Variants in GRID1 observed in about 807,000 individuals in gnomAD.
GRID1 encodes glutamate ionotropic receptor delta type subunit 1.
GRID1 carries 28 observed loss-of-function variants against 98.0 expected under a neutral mutation model. The observed-to-expected ratio is 0.29, with a 90% CI of 0.21 to 0.39. GRID1 has a LOEUF of 0.39. GRID1 is among the 10% of genes least tolerant of loss of function. The pLI is 1.00. For missense variants in GRID1, 1,111 were observed against 1,340.5 expected, an observed-to-expected ratio of 0.83 and a Z score of 2.67; for synonymous variants, 553 against 538.5, an observed-to-expected ratio of 1.03 and a Z score of -0.37.
intron 8 of GRID1, among the ~76,000 whole-genome samples, chr10:85,844,073 T>C (rs1382975016): frequency 6.6e-6 from 1 of 151,996 alleles, no homozygotes; most frequent in Non-Finnish European, 1.5e-5. Flanking sequence ...GAAATAATAC[T>C]CAACTATAAA....
intron 2 of GRID1, among the ~76,000 whole-genome samples, chr10:86,332,092 C>T (rs1461556916): frequency 6.6e-6 from 1 of 152,208 alleles, no homozygotes; most frequent in Non-Finnish European, 1.5e-5. Context: ...ATGGGAAACC[C>T]CGAGTCCAGG....
Position 85,856,471 on chromosome 10 carries a change from A to G in GRID1, c.952-281T>C, listed in dbSNP as rs551877107. Among the ~76,000 whole-genome samples the G allele has an allele frequency of 7.2e-4, 109 of 152,338 alleles. 1 individual carries two copies. Among genetic ancestry groups the G allele is most frequent in the Non-Finnish European group, 1.3e-3 (87 of 68,040 alleles). On this transcript the variant is annotated intron_variant, in intron 6 of 15. Transcript: ENST00000327946. Reference sequence around the variant, plus strand: ...ATCTGTAGCTGATTGAGATGTGCACACAGGTAAGTTACCTACTCAGGTAAG... The same window carrying G: ...ATCTGTAGCTGATTGAGATGTGCACGCAGGTAAGTTACCTACTCAGGTAAG...
intron 8 of GRID1, among the ~76,000 whole-genome samples, chr10:85,792,358 T>C (rs985467805): frequency 3.9e-5 from 6 of 152,190 alleles, no homozygotes; most frequent in Admixed American, 6.5e-5. Context: ...GGGCCTCAAA[T>C]AAATCCTGTA....
chr10:85,728,105 A>T (rs1431411962), intron 9 of GRID1, 53 bp from the exon 10 acceptor site: 2 of 1,188,224 alleles, frequency 1.7e-6, no homozygotes, highest in Non-Finnish European at 2.5e-6. Context: ...TCATCAACAC[A>T]TATTTCCAGT....
At chr10:86,102,879 T>G (rs986773367) in intron 4 of GRID1, among the ~76,000 whole-genome samples, 14 of 152,196 alleles carry the variant, frequency 9.2e-5, no homozygotes. Context: ...AATTGAATCA[T>G]GAGGGCAGGT....
chr10:86,080,394 A>AAGGGG (rs1564668612), intron 4 of GRID1, among the ~76,000 whole-genome samples: 61 of 26,250 alleles, frequency 2.3e-3, no homozygotes, highest in African/African-American at 7.8e-3. Context: ...AAGGGAAGGG[A>AAGGGG]AGGGAAGGGA....
intron 2 of GRID1, among the ~76,000 whole-genome samples, chr10:86,215,848 T>C (rs1334855060): frequency 6.6e-6 from 1 of 152,120 alleles, no homozygotes; most frequent in Non-Finnish European, 1.5e-5. Flanking sequence ...CCTTGAAATA[T>C]TAGCCATGCT....
In GRID1 at chr10:85,737,668, AT is replaced by A. The variant is rs1564575093; in HGVS notation, c.1234-8055del. 2.9e-3 allele frequency among the ~76,000 whole-genome samples: 389 copies of A among 132,634 alleles called. 28 individuals are homozygous for A. Among genetic ancestry groups the A allele is most frequent in the African/African-American group, 0.011 (366 of 34,756 alleles). 87.0% of individuals were successfully genotyped at this position (132,634 alleles called of 152,430 possible). On this transcript the variant is annotated intron_variant, in intron 8 of 15. Coordinates refer to ENST00000327946, the MANE Select transcript of GRID1 (RefSeq NM_017551.3). ...CAGATATATATATATATATATATATATATATAAACATATATGGTTATATATA... is the reference window on the plus strand; with the variant it reads ...CAGATATATATATATATATATATATAATATAAACATATATGGTTATATATA...
chr10:85,687,287 T>C (rs1312555912), intron 12 of GRID1, among the ~76,000 whole-genome samples: 1 of 152,170 alleles, frequency 6.6e-6, no homozygotes, highest in Non-Finnish European at 1.5e-5. Flanking sequence ...GTTTATAAGA[T>C]GACACTATTT....
chr10:86,305,321 G>C (rs900060319), intron 2 of GRID1, among the ~76,000 whole-genome samples: 6 of 152,190 alleles, frequency 3.9e-5, no homozygotes, highest in Non-Finnish European at 7.3e-5. Flanking sequence ...CACACGACAG[G>C]TGCTGAGAGG....
At chr10:85,961,244 G>A (rs772676321) in intron 4 of GRID1, among the ~76,000 whole-genome samples, 6 of 152,094 alleles carry the variant, frequency 3.9e-5, no homozygotes, top group Admixed American at 6.5e-5. Context: ...ATTATCATGC[G>A]GCACTGGGTT....
At chr10:86,267,196 A>G (rs1012808656) in intron 2 of GRID1, among the ~76,000 whole-genome samples, 1 of 152,260 alleles carries the variant, frequency 6.6e-6, no homozygotes, top group Non-Finnish European at 1.5e-5. Context: ...GCTGGATATT[A>G]TCATCCCAAC....
intron 8 of GRID1, among the ~76,000 whole-genome samples, chr10:85,796,476 C>G (rs1482170515): frequency 6.6e-6 from 1 of 152,152 alleles, no homozygotes; most frequent in African/African-American, 2.4e-5. Flanking sequence ...GAGTAAATGT[C>G]TCCAACTTAT....
chr10:86,196,425 T>C (rs1845873780), intron 3 of GRID1, among the ~76,000 whole-genome samples: 1 of 152,188 alleles, frequency 6.6e-6, no homozygotes, highest in South Asian at 2.1e-4. Context: ...TCATTTCATT[T>C]CATTTCAGCC....
At chr10:85,988,939 C>T (rs2131866618) in intron 4 of GRID1, among the ~76,000 whole-genome samples, 1 of 152,296 alleles carries the variant, frequency 6.6e-6, no homozygotes, top group Admixed American at 6.5e-5. Flanking sequence ...CTTTTGGGGC[C>T]ACATGGGGAA....
At chr10:85,972,787 G>T (rs1220006950) in intron 4 of GRID1, among the ~76,000 whole-genome samples, 1 of 152,088 alleles carries the variant, frequency 6.6e-6, no homozygotes. Flanking sequence ...AGATTATTGG[G>T]TCAAACAAAT....
At chr10:86,248,404 G>A (rs1006917564) in intron 2 of GRID1, among the ~76,000 whole-genome samples, 1 of 152,280 alleles carries the variant, frequency 6.6e-6, no homozygotes, top group South Asian at 2.1e-4. Context: ...ACCTGGAGTG[G>A]TTAAAACAAT....
intron 4 of GRID1, among the ~76,000 whole-genome samples, chr10:86,101,067 G>A (rs1844289118): frequency 6.6e-6 from 1 of 151,924 alleles, no homozygotes; most frequent in Non-Finnish European, 1.5e-5. Flanking sequence ...TCTGGAAGTC[G>A]ATTTTTCCAA....
At chr10:86,241,924 T>A (rs1005901801) in intron 2 of GRID1, among the ~76,000 whole-genome samples, 3 of 152,232 alleles carry the variant, frequency 2.0e-5, no homozygotes, top group Non-Finnish European at 4.4e-5. Context: ...CCAATGCCTA[T>A]GCTGGGTCCC....
Sources: gnomAD v4.1 joint callset for allele counts (sites outside exome capture counted in the v4.1 genomes callset) on GRCh38, gnomAD v4.1.1 for gene constraint, MANE v1.5 for transcripts, NCBI Gene and HGNC (gene_info 2026-07-23, HGNC 2026-07-21) for gene names.